The following PCDHA10 variants were observed in gnomAD, a reference collection of about 807,000 sequenced individuals.
PCDHA10 encodes protocadherin alpha 10.
A neutral mutation model predicts 61.2 loss-of-function variants in PCDHA10; 45 were observed. That is an observed-to-expected ratio of 0.74 (90% confidence interval 0.58 to 0.94). The LOEUF (loss-of-function observed/expected upper bound fraction) is 0.94, where lower values mean the gene tolerates loss of function less well. Ranked by LOEUF, PCDHA10 falls within the 40% of genes least tolerant of loss-of-function variation. PCDHA10 has a pLI of 0.00. For synonymous variants in PCDHA10, 602 were observed against 548.8 expected, an observed-to-expected ratio of 1.10 and a Z score of -1.35; for missense variants, 1,278 against 1,236.2, an observed-to-expected ratio of 1.03 and a Z score of -0.51.
intron 3 of PCDHA10, among the ~76,000 whole-genome samples, chr5:140,987,129 G>A (rs1281954011): frequency 1.3e-5 from 2 of 151,758 alleles, no homozygotes; most frequent in African/African-American, 4.8e-5. Flanking sequence ...CAGGAGAATT[G>A]CTTGAACTCG....
chr5:140,873,639 T>G (rs567970956), intron 1 of PCDHA10, among the ~76,000 whole-genome samples: 1 of 152,346 alleles, frequency 6.6e-6, no homozygotes, highest in African/African-American at 2.4e-5. Context: ...AAAGAGTATG[T>G]GAGAACTACA....
rs374028253 is a variant in PCDHA10, at chr5:140,876,864, G to C, written c.2388+18428G>C. ...CGCAGCCCGAGTACACAGTGTTCGT[G>C]AAGGAGAACAACCCGCCGGGCTGCC... is the stretch of plus-strand genomic sequence containing the variant. On this transcript the variant is annotated intron_variant, in intron 1 of 3. Transcript: ENST00000307360. The C allele has an allele frequency of 5.1e-5, 82 of 1,614,026 alleles. No individual in the cohort carries two copies. The African/African-American group carries it at 1.0e-3, about 20-fold the overall frequency.
intron 1 of PCDHA10, among the ~76,000 whole-genome samples, chr5:140,896,089 G>A (rs13174119): frequency 0.32 from 48,051 of 152,038 alleles, 7,939 homozygotes; most frequent in East Asian, 0.53. Flanking sequence ...GGGATTACAG[G>A]CGTGAGCCAC....
intron 1 of PCDHA10, 27 bp from the exon 2 acceptor site, chr5:140,978,922 C>G: frequency 6.2e-7 from 1 of 1,613,966 alleles, no homozygotes; most frequent in Non-Finnish European, 8.5e-7. Context: ...GTCATTTTAA[C>G]AGAAAACTCT....
At chr5:140,862,329 T>C (rs1305735393) in intron 1 of PCDHA10, 1 of 327,554 alleles carries the variant, frequency 3.1e-6, no homozygotes, top group Non-Finnish European at 6.0e-6. Context: ...ATCAGTGTAA[T>C]TGACCCTAAC....
At chr5:140,943,516 A>T (rs1202948180) in intron 1 of PCDHA10, among the ~76,000 whole-genome samples, 1 of 152,176 alleles carries the variant, frequency 6.6e-6, no homozygotes, top group Admixed American at 6.5e-5. Context: ...GGAAATGTTG[A>T]GTTCAGTATG....
chr5:140,866,295 G>T (rs561985862), intron 1 of PCDHA10: 17 of 152,252 alleles, frequency 1.1e-4, no homozygotes, highest in African/African-American at 3.4e-4. Flanking sequence ...GACAAGTATA[G>T]ATGTTGATAT....
chr5:140,900,799 G>T (rs797036955), intron 1 of PCDHA10, among the ~76,000 whole-genome samples: 1 of 152,138 alleles, frequency 6.6e-6, no homozygotes, highest in East Asian at 1.9e-4. Context: ...GTTCTCCATA[G>T]TGCTTGTACT....
At position 140,953,007 on chromosome 5, in the gene PCDHA10, T is replaced by C. The variant is rs186896706; in HGVS notation, c.2389-25942T>C. ...TCTCATGAGAACTCTCTCACTATTA[T>C]GAGAACAACATTAAGGGGGAAATCC... On this transcript the variant is annotated intron_variant, in intron 1 of 3. Transcript: ENST00000307360. 5.5e-4 allele frequency among the ~76,000 whole-genome samples: 84 copies of C among 152,242 alleles called. 1 individual carries two copies. In the East Asian group the frequency reaches 0.015, roughly 27 times the overall value.
At chr5:140,995,837 C>T (rs1554254841) in intron 3 of PCDHA10, among the ~76,000 whole-genome samples, 2 of 152,158 alleles carry the variant, frequency 1.3e-5, no homozygotes, top group Non-Finnish European at 2.9e-5. Context: ...TGCACAGTGC[C>T]TCACATTTCT....
intron 1 of PCDHA10, among the ~76,000 whole-genome samples, chr5:140,905,881 T>C (rs1241086266): frequency 1.3e-5 from 2 of 152,080 alleles, no homozygotes; most frequent in Non-Finnish European, 2.9e-5. Context: ...GGCCCAACAA[T>C]AGGCCATCTG....
chr5:140,953,045 C>A (rs1414124229), intron 1 of PCDHA10, among the ~76,000 whole-genome samples: 2 of 152,288 alleles, frequency 1.3e-5, no homozygotes, highest in Admixed American at 6.5e-5. Flanking sequence ...CCCCATGATC[C>A]AATCACCTCT....
chr5:140,946,791 T>C (rs1019495660), intron 1 of PCDHA10, among the ~76,000 whole-genome samples: 4 of 151,326 alleles, frequency 2.6e-5, no homozygotes, highest in Non-Finnish European at 4.4e-5. Flanking sequence ...GCTGATCTTA[T>C]AGAAGCAGAG....
Position 141,009,628 on chromosome 5 carries a change from A to G in PCDHA10, c.2538A>G (p.Glu846=), listed in dbSNP as rs1441195912. The G allele has an allele frequency of 1.2e-6, 2 of 1,613,000 alleles. No individual in the cohort carries two copies. The highest frequency in any genetic ancestry group is 2.2e-5 in the East Asian group (1 of 44,852). Residue 846 remains glutamate, a splice_region_variant and synonymous_variant, in exon 4 of 4, where the codon GAA becomes GAG. Coordinates refer to ENST00000307360, the MANE Select transcript of PCDHA10 (RefSeq NM_018901.4). ...GATTTGTAATGTTTTGTCTTTCAGA[A>G]CCAGAGGCAGGAGAAGTGTCCCCTC... is the stretch of plus-strand genomic sequence containing the variant. ...QWPTVSSATP[E]PEAGEVSPPV...
intron 1 of PCDHA10, chr5:140,926,762 C>T: frequency 7.5e-7 from 1 of 1,326,672 alleles, no homozygotes; most frequent in Non-Finnish European, 9.8e-7. Context: ...CGCTGAGTAT[C>T]CAGCCCGCAG....
chr5:140,876,023 C>G, intron 1 of PCDHA10: 1 of 1,612,330 alleles, frequency 6.2e-7, no homozygotes, highest in Non-Finnish European at 8.5e-7. Flanking sequence ...AAAATAAAAA[C>G]AAAAAAAGAT....
intron 1 of PCDHA10, among the ~76,000 whole-genome samples, chr5:140,911,053 G>A (rs2075311912): frequency 6.6e-6 from 1 of 152,090 alleles, no homozygotes. Flanking sequence ...GGGGTGGTGG[G>A]GGGTGGGTCC....
chr5:140,934,262 TAATC>T (rs1554209807), intron 1 of PCDHA10, among the ~76,000 whole-genome samples: 1 of 152,136 alleles, frequency 6.6e-6, no homozygotes, highest in Non-Finnish European at 1.5e-5. Flanking sequence ...AAATTAATAA[TAATC>T]AGTGCTTCAT....
At chr5:140,870,473 C>G (rs1232580918) in intron 1 of PCDHA10, 1 of 1,614,124 alleles carries the variant, frequency 6.2e-7, no homozygotes, top group Non-Finnish European at 8.5e-7. Context: ...TTCGCACAGC[C>G]CGAGTACACC....
Sources: gnomAD v4.1 joint callset for allele counts (sites outside exome capture counted in the v4.1 genomes callset) on GRCh38, gnomAD v4.1.1 for gene constraint, MANE v1.5 for transcripts, NCBI Gene and HGNC (gene_info 2026-07-23, HGNC 2026-07-21) for gene names.